Variants in PDE3A observed in about 807,000 individuals in gnomAD.
PDE3A encodes the protein cGMP-inhibited 3',5'-cyclic phosphodiesterase 3A.
A neutral mutation model predicts 98.3 loss-of-function variants in PDE3A; 43 were observed. The observed-to-expected ratio is 0.44, with a 90% confidence interval of 0.34 to 0.56. PDE3A has a LOEUF of 0.56. PDE3A is among the 20% of genes least tolerant of loss of function. The probability of loss-of-function intolerance (pLI) is 0.01; values close to 1 mark genes in which losing one functional copy is unlikely to be tolerated. For missense variants in PDE3A, 1,427 were observed against 1,440.7 expected (o/e 0.99, Z 0.15); for synonymous variants, 663 against 567.9 (o/e 1.17, Z -2.38).
chr12:20,673,738 A>T (rs865874002), intron 15 of PDE3A, among the ~76,000 whole-genome samples: 3 of 146,346 alleles, frequency 2.0e-5, no homozygotes, highest in Non-Finnish European at 4.5e-5. Context: ...TGGGAGATAT[A>T]CCTAATGCTA....
At chr12:20,393,371 C>T (rs531043130) in intron 1 of PDE3A, among the ~76,000 whole-genome samples, 2 of 152,074 alleles carry the variant, frequency 1.3e-5, no homozygotes, top group Non-Finnish European at 2.9e-5. Context: ...GACTTATTCA[C>T]TACCACAAGA....
chr12:20,475,495 G>C (rs778680268), intron 1 of PDE3A, among the ~76,000 whole-genome samples: 4 of 152,070 alleles, frequency 2.6e-5, no homozygotes, highest in Non-Finnish European at 5.9e-5. Flanking sequence ...TTGGGAGGAC[G>C]AGGCCAGCAG....
At chr12:20,577,991 G>T (rs886785153) in intron 2 of PDE3A, among the ~76,000 whole-genome samples, 1 of 152,098 alleles carries the variant, frequency 6.6e-6, no homozygotes, top group South Asian at 2.1e-4. Flanking sequence ...GTGGGAGAGG[G>T]GCAGTCCTGT....
chr12:20,410,013 CT>C (rs1239623354), intron 1 of PDE3A, among the ~76,000 whole-genome samples: 4 of 152,178 alleles, frequency 2.6e-5, no homozygotes, highest in Non-Finnish European at 5.9e-5. Flanking sequence ...TGCCTTGTAA[CT>C]TTGACTCCTT....
At chr12:20,490,145 G>C (rs969569232) in intron 1 of PDE3A, among the ~76,000 whole-genome samples, 14 of 152,252 alleles carry the variant, frequency 9.2e-5, no homozygotes, top group African/African-American at 3.4e-4. Flanking sequence ...GAAGAAGAAA[G>C]ATTGAGTTTG....
chr12:20,391,034 C>G (rs1023173861), intron 1 of PDE3A, among the ~76,000 whole-genome samples: 1 of 151,852 alleles, frequency 6.6e-6, no homozygotes, highest in African/African-American at 2.4e-5. Flanking sequence ...AACCCTCTAA[C>G]GATCCCCAGG....
chr12:20,517,921 T>C (rs1946352702), intron 1 of PDE3A, among the ~76,000 whole-genome samples: 1 of 152,156 alleles, frequency 6.6e-6, no homozygotes, highest in Non-Finnish European at 1.5e-5. Context: ...GAAATCCACT[T>C]AGTAACACCC....
chr12:20,501,339 A>G (rs1359230021), intron 1 of PDE3A, among the ~76,000 whole-genome samples: 2 of 152,202 alleles, frequency 1.3e-5, no homozygotes, highest in African/African-American at 2.4e-5. Context: ...ACCGTAATCC[A>G]TATAACCTCA....
In PDE3A at chr12:20,519,082, A is replaced by G. The variant is rs557641692; in HGVS notation, c.961-37578A>G. ...TGGCATTTTTATGAGACTAGGAAGT[A>G]TATGATTATGTAGTGTTGTAGTTTA... On this transcript the variant is annotated intron_variant, in intron 1 of 15. Coordinates refer to ENST00000359062, the MANE Select transcript of PDE3A (RefSeq NM_000921.5). Among the ~76,000 whole-genome samples, 38 of 152,298 alleles carry G rather than the reference A, an allele frequency of 2.5e-4. No homozygotes were observed. In the South Asian group the frequency reaches 7.7e-3, roughly 31 times the overall value.
At chr12:20,447,222 A>G (rs1944972985) in intron 1 of PDE3A, among the ~76,000 whole-genome samples, 1 of 152,222 alleles carries the variant, frequency 6.6e-6, no homozygotes, top group East Asian at 1.9e-4. Flanking sequence ...GTAGGAGGAT[A>G]TTCTTAAAGT....
intron 15 of PDE3A, among the ~76,000 whole-genome samples, chr12:20,667,307 T>C (rs1945339437): frequency 6.6e-6 from 1 of 152,200 alleles, no homozygotes; most frequent in South Asian, 2.1e-4. Context: ...TATTTGTTTT[T>C]GTTGCCTGGG....
chr12:20,559,320 T>C (rs771376957), intron 2 of PDE3A, among the ~76,000 whole-genome samples: 19 of 152,012 alleles, frequency 1.2e-4, no homozygotes, highest in Non-Finnish European at 2.6e-4. Context: ...AAGTATACTC[T>C]ATGATGTTCC....
chr12:20,491,455 G>A (rs1033976985), intron 1 of PDE3A, among the ~76,000 whole-genome samples: 14 of 152,160 alleles, frequency 9.2e-5, no homozygotes, highest in African/African-American at 3.1e-4. Flanking sequence ...AAACTGTCAT[G>A]GTGCTGTGAG....
chr12:20,500,755 T>C (rs1946007981), intron 1 of PDE3A, among the ~76,000 whole-genome samples: 1 of 149,592 alleles, frequency 6.7e-6, no homozygotes, highest in South Asian at 2.1e-4. Flanking sequence ...TAAGAGGCTT[T>C]CATTCTTTCT....
chr12:20,553,145 CTTTTT>C, intron 1 of PDE3A: 1 of 702,540 alleles, frequency 1.4e-6, no homozygotes, highest in Non-Finnish European at 2.2e-6. Flanking sequence ...GTTTGTCTTC[CTTTTT>C]TTTTTTTTAT....
At position 20,660,659 on chromosome 12, in the gene PDE3A, G is replaced by A. The variant is rs529583800; in HGVS notation, c.3184+6454G>A. Among the ~76,000 whole-genome samples, 52 of 152,284 alleles carry A rather than the reference G, an allele frequency of 3.4e-4. 2 individuals are homozygous for A. The South Asian group carries it at 0.011, about 32-fold the overall frequency. Reference sequence around the variant, plus strand: ...TCACAAGATCTAATGGTTTTAAAAAGAGGAGTTCCTTTGCACAAGTTCTCT... The same window carrying A: ...TCACAAGATCTAATGGTTTTAAAAAAAGGAGTTCCTTTGCACAAGTTCTCT... On this transcript the variant is annotated intron_variant, in intron 15 of 15. Coordinates refer to ENST00000359062, the MANE Select transcript of PDE3A (RefSeq NM_000921.5).
At chr12:20,400,420 T>G (rs894755520) in intron 1 of PDE3A, among the ~76,000 whole-genome samples, 6 of 73,990 alleles carry the variant, frequency 8.1e-5, no homozygotes, top group Admixed American at 1.8e-4. Context: ...TTTTTTTTTT[T>G]TTTTGAGATG....
At chr12:20,564,231 A>G (rs1942601355) in intron 2 of PDE3A, among the ~76,000 whole-genome samples, 2 of 152,130 alleles carry the variant, frequency 1.3e-5, no homozygotes, top group Admixed American at 6.5e-5. Context: ...GATAAGAAAA[A>G]TGTCTCTAGA....
chr12:20,423,042 T>C (rs1162918003), intron 1 of PDE3A, among the ~76,000 whole-genome samples: 3 of 152,208 alleles, frequency 2.0e-5, no homozygotes, highest in Non-Finnish European at 2.9e-5. Flanking sequence ...GGGTTGATTT[T>C]TGATATTTTT....
Sources: gnomAD v4.1 joint callset for allele counts (sites outside exome capture counted in the v4.1 genomes callset) on GRCh38, gnomAD v4.1.1 for gene constraint, MANE v1.5 for transcripts, NCBI Gene and HGNC (gene_info 2026-07-23, HGNC 2026-07-21) for gene names.